Variants in FER observed in about 807,000 individuals in gnomAD.
The protein encoded by FER is FER tyrosine kinase, also known as tyrosine-protein kinase Fer.
In FER, 63 loss-of-function variants were observed where a neutral mutation model predicts 111.0. The observed-to-expected ratio is 0.57, with a 90% CI of 0.46 to 0.70. FER has a LOEUF of 0.70. Ranked by LOEUF, FER falls within the 30% of genes least tolerant of loss-of-function variation. FER has a pLI of 0.00. For synonymous variants in FER, 327 were observed against 313.9 expected, an observed-to-expected ratio of 1.04 and a Z score of -0.44; for missense variants, 914 against 954.0, an observed-to-expected ratio of 0.96 and a Z score of 0.55.
At chr5:109,001,345 A>G (rs1041697704) in intron 13 of FER, among the ~76,000 whole-genome samples, 1 of 152,150 alleles carries the variant, frequency 6.6e-6, no homozygotes, top group Non-Finnish European at 1.5e-5. Flanking sequence ...AAATCAATAA[A>G]CGTAATCCAG....
intron 10 of FER, among the ~76,000 whole-genome samples, chr5:108,929,781 A>G (rs1754305375): frequency 6.6e-6 from 1 of 152,198 alleles, no homozygotes; most frequent in Admixed American, 6.5e-5. Context: ...ATATCAGGGG[A>G]AAAACGTACA....
chr5:108,916,883 ATAT>A (rs1561611100), intron 10 of FER, among the ~76,000 whole-genome samples: 1 of 152,138 alleles, frequency 6.6e-6, no homozygotes, highest in East Asian at 1.9e-4. Context: ...CAACAATTTC[ATAT>A]TATATTTGAT....
At chr5:109,003,482 G>T (rs1765085615) in intron 13 of FER, among the ~76,000 whole-genome samples, 1 of 152,058 alleles carries the variant, frequency 6.6e-6, no homozygotes, top group Admixed American at 6.5e-5. Context: ...GGGAGGAGCG[G>T]GGAGGGATAG....
chr5:108,755,404 C>G (rs1490474516), intron 1 of FER, among the ~76,000 whole-genome samples: 1 of 152,120 alleles, frequency 6.6e-6, no homozygotes, highest in Non-Finnish European at 1.5e-5. Flanking sequence ...CCCAAGCTTC[C>G]GTGGATTGAT....
intron 5 of FER, among the ~76,000 whole-genome samples, chr5:108,838,133 A>G (rs941267655): frequency 2.0e-5 from 3 of 152,090 alleles, no homozygotes; most frequent in African/African-American, 7.3e-5. Flanking sequence ...TTTATGTTTC[A>G]AACTGCTTCT....
In FER at chr5:109,113,787, T is replaced by A. The variant is rs75609656; in HGVS notation, c.2048+13268T>A. On this transcript the variant is annotated intron_variant, in intron 17 of 19. Coordinates refer to ENST00000281092, the MANE Select transcript of FER (RefSeq NM_005246.4). ...TTAACTTTTTGCAGCACAAAGTATG[T>A]TTTACCTTTATAAATGCTTACTCAT... is the stretch of plus-strand genomic sequence containing the variant. Among the ~76,000 whole-genome samples the A allele has an allele frequency of 1.0e-3, 152 of 152,238 alleles. 1 individual carries two copies. The East Asian group carries it at 0.018, about 18-fold the overall frequency.
rs549006513 is a variant in FER, at chr5:109,114,952, G to C, written c.2048+14433G>C. On this transcript the variant is annotated intron_variant, in intron 17 of 19. Coordinates refer to ENST00000281092, the MANE Select transcript of FER (RefSeq NM_005246.4). Reference sequence around the variant, plus strand: ...CTTTTGTTAGCCATTCGAGTATATAGATTGCCTTCTTCCTTCTTTCCCTCC... The same window carrying C: ...CTTTTGTTAGCCATTCGAGTATATACATTGCCTTCTTCCTTCTTTCCCTCC... Among the ~76,000 whole-genome samples, 10 of 151,920 alleles carry C rather than the reference G, an allele frequency of 6.6e-5. No individual in the cohort carries two copies. In the South Asian group the frequency reaches 1.5e-3, roughly 22 times the overall value.
At chr5:108,961,028 T>C (rs1322311173) in intron 13 of FER, among the ~76,000 whole-genome samples, 1 of 152,128 alleles carries the variant, frequency 6.6e-6, no homozygotes, top group Non-Finnish European at 1.5e-5. Context: ...GTTGAGACTG[T>C]AGTGAGCTGT....
At chr5:108,871,308 A>G (rs1764577492) in intron 6 of FER, 57 bp from the exon 7 acceptor site, 1 of 1,399,102 alleles carries the variant, frequency 7.1e-7, no homozygotes. Context: ...CCTTTTTGAG[A>G]TAGTATCTCT....
At chr5:109,089,608 TCCAGAAA>T (rs1777938707) in intron 16 of FER, among the ~76,000 whole-genome samples, 1 of 152,016 alleles carries the variant, frequency 6.6e-6, no homozygotes, top group African/African-American at 2.4e-5. Context: ...TTATGAGAAC[TCCAGAAA>T]CCAGATAAGA....
chr5:109,130,887 T>C (rs1201101003), intron 17 of FER, among the ~76,000 whole-genome samples: 2 of 152,182 alleles, frequency 1.3e-5, no homozygotes, highest in Non-Finnish European at 2.9e-5. Context: ...AATAAACATT[T>C]TAATATTTGA....
At chr5:108,804,129 A>G (rs1299229815) in intron 3 of FER, among the ~76,000 whole-genome samples, 7 of 152,052 alleles carry the variant, frequency 4.6e-5, no homozygotes, top group East Asian at 1.9e-4. Context: ...TGATTTGGCT[A>G]TCAGCTTGAA....
At chr5:108,890,031 T>C (rs188095903) in intron 9 of FER, among the ~76,000 whole-genome samples, 3 of 152,156 alleles carry the variant, frequency 2.0e-5, no homozygotes, top group African/African-American at 7.2e-5. Context: ...ACTGACATTA[T>C]GCAGTTAAGA....
intron 17 of FER, among the ~76,000 whole-genome samples, chr5:109,136,943 TATC>T (rs1023828369): frequency 1.3e-5 from 2 of 152,214 alleles, no homozygotes; most frequent in African/African-American, 2.4e-5. Context: ...GCAATTTTGA[TATC>T]ATCAATTTGA....
At chr5:109,023,925 A>G (rs1768294148) in intron 13 of FER, among the ~76,000 whole-genome samples, 1 of 152,146 alleles carries the variant, frequency 6.6e-6, no homozygotes, top group South Asian at 2.1e-4. Context: ...AAGAGGAAGA[A>G]TGGTTAATGT....
chr5:109,095,104 A>G (rs1355350525), intron 16 of FER, among the ~76,000 whole-genome samples: 1 of 152,144 alleles, frequency 6.6e-6, no homozygotes, highest in Non-Finnish European at 1.5e-5. Context: ...GGTTCGTGCT[A>G]TTCTAGTGTT....
chr5:109,182,942 A>C (rs2126867514), intron 18 of FER, among the ~76,000 whole-genome samples: 1 of 152,260 alleles, frequency 6.6e-6, no homozygotes, highest in African/African-American at 2.4e-5. Context: ...CCAGGGCTCA[A>C]GCAGTCCTCC....
chr5:109,101,465 C>A (rs1308266456), intron 17 of FER, among the ~76,000 whole-genome samples: 1 of 151,986 alleles, frequency 6.6e-6, no homozygotes, highest in Non-Finnish European at 1.5e-5. Flanking sequence ...TTACCATCAC[C>A]TTAACTATAC....
intron 16 of FER, among the ~76,000 whole-genome samples, chr5:109,049,532 C>G (rs1242216831): frequency 6.6e-6 from 1 of 152,102 alleles, no homozygotes; most frequent in Non-Finnish European, 1.5e-5. Context: ...ATTTTTCTAA[C>G]TTTCTCTTAC....
Sources: gnomAD v4.1 joint callset for allele counts (sites outside exome capture counted in the v4.1 genomes callset) on GRCh38, gnomAD v4.1.1 for gene constraint, MANE v1.5 for transcripts, NCBI Gene and HGNC (gene_info 2026-07-23, HGNC 2026-07-21) for gene names.